The following XPNPEP3 variants were observed in gnomAD, a reference collection of about 807,000 sequenced individuals.
XPNPEP3 encodes X-prolyl aminopeptidase 3, also known as xaa-Pro aminopeptidase 3.
Under a neutral mutation model 60.0 loss-of-function variants are expected in XPNPEP3, and 41 were observed. That is an observed-to-expected ratio of 0.68 (90% CI 0.53 to 0.89). XPNPEP3 has a LOEUF of 0.89. Ranked by LOEUF, XPNPEP3 falls within the 40% of genes least tolerant of loss-of-function variation. XPNPEP3 has a pLI of 0.00. For missense variants in XPNPEP3, 598 were observed against 638.9 expected (o/e 0.94, Z 0.69); for synonymous variants, 212 against 223.2 (o/e 0.95, Z 0.45).
At chr22:40,896,819 T>TC (rs2058110108) in intron 4 of XPNPEP3, among the ~76,000 whole-genome samples, 1 of 152,120 alleles carries the variant, frequency 6.6e-6, no homozygotes, top group Admixed American at 6.6e-5. Flanking sequence ...TCTTCCCTCC[T>TC]CCCAGCCCCT....
At chr22:40,898,591 A>G (rs1353624110) in intron 4 of XPNPEP3, among the ~76,000 whole-genome samples, 1 of 152,168 alleles carries the variant, frequency 6.6e-6, no homozygotes, top group Non-Finnish European at 1.5e-5. Context: ...GGTATAAACT[A>G]AGGGTCTAAC....
At chr22:40,860,279 CATT>C (rs1280037486) in intron 1 of XPNPEP3, 2 of 153,130 alleles carry the variant, frequency 1.3e-5, no homozygotes, top group East Asian at 1.9e-4. Flanking sequence ...GGACAGGTCT[CATT>C]ATGTTACCCG....
At chr22:40,917,028 A>C (rs2058198539) in intron 7 of XPNPEP3, 1 of 152,266 alleles carries the variant, frequency 6.6e-6, no homozygotes, top group African/African-American at 2.4e-5. Flanking sequence ...CAGTGAGCCA[A>C]GATTGCACCA....
intron 2 of XPNPEP3, among the ~76,000 whole-genome samples, chr22:40,879,984 G>A (rs2058041354): frequency 6.9e-6 from 1 of 144,864 alleles, no homozygotes. Context: ...CCAGGATCGT[G>A]CCACTGCTCT....
chr22:40,900,333 G>A (rs952706393), intron 4 of XPNPEP3, among the ~76,000 whole-genome samples: 1 of 150,268 alleles, frequency 6.7e-6, no homozygotes, highest in Admixed American at 6.6e-5. Flanking sequence ...GGCCGGGTAC[G>A]GTGACCCACG....
intron 4 of XPNPEP3, among the ~76,000 whole-genome samples, chr22:40,898,224 C>CTTTTT (rs1405343173): frequency 1.4e-5 from 1 of 70,254 alleles, no homozygotes; most frequent in African/African-American, 6.2e-5. Flanking sequence ...GTCTTTGACC[C>CTTTTT]ATTTTTTTTT....
chr22:40,888,470 C>G, intron 4 of XPNPEP3: 3 of 415,890 alleles, frequency 7.2e-6, no homozygotes, highest in South Asian at 5.0e-5. Flanking sequence ...TCTCGAACTC[C>G]TGAGCTCAAG....
At position 40,923,213 on chromosome 22, in the gene XPNPEP3, TAAA is replaced by T. The variant is rs756878151; in HGVS notation, c.1236+712_1236+714del. Reference sequence around the variant, plus strand: ...GGGCCACAGAACAAGGCCCTGTGTCTAAAAAAAAAAAAAAGAGAGAGAGATTAA... The same window carrying T: ...GGGCCACAGAACAAGGCCCTGTGTCTAAAAAAAAAAAGAGAGAGAGATTAA... On this transcript the variant is annotated intron_variant, in intron 8 of 9. Coordinates refer to ENST00000357137, the MANE Select transcript of XPNPEP3 (RefSeq NM_022098.4). Among the ~76,000 whole-genome samples the T allele has an allele frequency of 3.7e-3, 503 of 137,454 alleles. 2 individuals carry two copies. The highest frequency in any genetic ancestry group is 0.012 in the African/African-American group (446 of 37,412). 90.2% of individuals were successfully genotyped at this position (137,454 alleles called of 152,430 possible). A position where few individuals can be genotyped will look rare whatever the true frequency, so the allele number is the denominator to read the frequency against.
At chr22:40,909,033 T>TG (rs2058166702) in intron 5 of XPNPEP3, 89 bp from the exon 6 acceptor site, 2 of 962,840 alleles carry the variant, frequency 2.1e-6, no homozygotes, top group Non-Finnish European at 3.4e-6. Flanking sequence ...AGATAAGTAC[T>TG]GGTATGGAGG....
At chr22:40,859,350 A>G (rs2057927134) in intron 1 of XPNPEP3, among the ~76,000 whole-genome samples, 1 of 152,214 alleles carries the variant, frequency 6.6e-6, no homozygotes, top group Non-Finnish European at 1.5e-5. Context: ...CTATTGAGTA[A>G]GATGATTAAA....
At chr22:40,922,884 CA>C (rs2058222121) in intron 8 of XPNPEP3, among the ~76,000 whole-genome samples, 1 of 152,098 alleles carries the variant, frequency 6.6e-6, no homozygotes, top group South Asian at 2.1e-4. Context: ...CAAAGGAAGT[CA>C]GTACTTATTT....
intron 7 of XPNPEP3, among the ~76,000 whole-genome samples, chr22:40,915,183 C>T (rs1388346926): frequency 4.0e-5 from 6 of 151,580 alleles, no homozygotes; most frequent in East Asian, 2.0e-4. Context: ...TCCCGAGTAG[C>T]GGGACTACAG....
intron 4 of XPNPEP3, among the ~76,000 whole-genome samples, chr22:40,901,481 C>T (rs1176627222): frequency 3.9e-5 from 6 of 151,988 alleles, no homozygotes; most frequent in East Asian, 1.9e-4. Flanking sequence ...GTGATCCACC[C>T]GCCTCAGCCT....
intron 2 of XPNPEP3, among the ~76,000 whole-genome samples, chr22:40,877,127 A>G (rs965495215): frequency 3.3e-5 from 5 of 152,164 alleles, no homozygotes; most frequent in Non-Finnish European, 5.9e-5. Context: ...CATAATATGT[A>G]TATGTAGCCT....
At chr22:40,862,058 G>A in intron 1 of XPNPEP3, 1 of 1,528,046 alleles carries the variant, frequency 6.5e-7, no homozygotes, top group Non-Finnish European at 8.7e-7. Flanking sequence ...CTCAGCTCAG[G>A]CTCTGCTGGT....
At chr22:40,873,122 T>TTTTTTTTTTTTTTTTTTC (rs2058013799) in intron 2 of XPNPEP3, among the ~76,000 whole-genome samples, 1 of 141,266 alleles carries the variant, frequency 7.1e-6, no homozygotes, top group South Asian at 2.3e-4. Flanking sequence ...TTTTTTTTTT[T>TTTTTTTTTTTTTTTTTTC]TGAGACAGAG....
chr22:40,875,074 G>A (rs933872999), intron 2 of XPNPEP3, among the ~76,000 whole-genome samples: 8 of 152,088 alleles, frequency 5.3e-5, no homozygotes, highest in Non-Finnish European at 1.2e-4. Context: ...TTAAGTTGAA[G>A]GTCTACTTTT....
chr22:40,927,875 A>AAAAAAAAAAAAAAAAAAG lies in XPNPEP3; in HGVS notation c.*1451_*1468dup, dbSNP rs2058240190. 8.0e-6 allele frequency: 1 copy of AAAAAAAAAAAAAAAAAAG among 124,910 alleles called. No individual in the cohort carries two copies. Among genetic ancestry groups the AAAAAAAAAAAAAAAAAAG allele is most frequent in the Non-Finnish European group, 1.8e-5 (1 of 54,282 alleles). The allele number at this position is 124,910 out of a possible 1,614,324, so 7.7% of individuals were successfully genotyped here. ...GGGTGACAGAGCGAGACTCCGTCTC[A>AAAAAAAAAAAAAAAAAAG]AAAAAAAAAAAAAAAAAGAAAAAAA... On this transcript the variant is annotated 3_prime_UTR_variant, in exon 10 of 10. Transcript: ENST00000357137.
chr22:40,909,201 C>T lies in XPNPEP3; in HGVS notation c.935C>T (p.Thr312Ile), dbSNP rs1274197712. Residue 312 changes from threonine (T) to isoleucine (I), a missense_variant, in exon 6 of 10, where the codon ACT (threonine) becomes ATT (isoleucine). Physicochemically the swap from Thr to Ile is moderately conservative, Grantham distance 89 (BLOSUM62 -1). Transcript: ENST00000357137. ...PVVAGGNRSNTLHYVKNNQLI... is the reference protein window; with the variant it reads ...PVVAGGNRSNILHYVKNNQLI... ...GTGGCTGGTGGTAATCGGTCAAACA[C>T]TTTGCACTATGTGAAAAATAATCAA... The T allele has an allele frequency of 6.2e-7, 1 of 1,614,192 alleles. No homozygotes were observed. The highest frequency in any genetic ancestry group is 8.5e-7 in the Non-Finnish European group (1 of 1,180,042).
Sources: allele counts gnomAD v4.1 joint callset (sites outside exome capture counted in the v4.1 genomes callset), GRCh38; gene constraint gnomAD v4.1.1; transcripts MANE v1.5; gene names NCBI Gene and HGNC (gene_info 2026-07-23, HGNC 2026-07-21).